EHMT1: variants seen among roughly 807,000 people sequenced by gnomAD.
The protein encoded by EHMT1 is histone-lysine N-methyltransferase EHMT1.
EHMT1 carries 15 observed loss-of-function variants against 147.2 expected under a neutral mutation model. The observed-to-expected ratio is 0.10, with a 90% CI of 0.07 to 0.16. The LOEUF (loss-of-function observed/expected upper bound fraction) is 0.16, where lower values mean the gene tolerates loss of function less well. Ranked by LOEUF, EHMT1 falls within the 10% of genes least tolerant of loss-of-function variation. The pLI, the probability that EHMT1 is intolerant of heterozygous loss-of-function variation, is 1.00. For missense variants in EHMT1, 1,587 were observed against 1,772.4 expected, an observed-to-expected ratio of 0.90 and a Z score of 1.88; for synonymous variants, 795 against 709.6, an observed-to-expected ratio of 1.12 and a Z score of -1.91.
At chr9:137,685,378 A>T (rs1185254867) in intron 1 of EHMT1, 4 of 152,168 alleles carry the variant, frequency 2.6e-5, no homozygotes, top group African/African-American at 9.7e-5. Context: ...TGTCTGGCTT[A>T]TGTCATGTAG....
chr9:137,767,892 G>A (rs1389744958), intron 10 of EHMT1, among the ~76,000 whole-genome samples: 2 of 152,064 alleles, frequency 1.3e-5, no homozygotes, highest in Non-Finnish European at 2.9e-5. Flanking sequence ...TTTGGATTTT[G>A]GAACATTTTG....
Position 137,641,967 on chromosome 9 carries a change from G to A in EHMT1, c.21+22918G>A, listed in dbSNP as rs1564531885. Reference sequence around the variant, plus strand: ...CTGTTCTCCTGCCTCAGCCTCCTGAGTAGCTGGGACTACAGGCACCCACCA... The same window carrying A: ...CTGTTCTCCTGCCTCAGCCTCCTGAATAGCTGGGACTACAGGCACCCACCA... On this transcript the variant is annotated intron_variant, in intron 1 of 26. Transcript: ENST00000460843. Among the ~76,000 whole-genome samples the A allele has an allele frequency of 3.3e-5, 5 of 152,144 alleles. No homozygotes were observed. The South Asian group carries it at 8.3e-4, about 25-fold the overall frequency.
intron 25 of EHMT1, 158 bp from the exon 26 acceptor site, chr9:137,834,191 T>C (rs967817716): frequency 1.0e-4 from 99 of 952,904 alleles, no homozygotes; most frequent in Non-Finnish European, 1.5e-4. Context: ...TGGCGGAGGC[T>C]CCGCACCGCC....
chr9:137,739,827 T>TG (rs1307205792), intron 4 of EHMT1, among the ~76,000 whole-genome samples: 1 of 152,198 alleles, frequency 6.6e-6, no homozygotes, highest in Non-Finnish European at 1.5e-5. Context: ...TGCCAAATAC[T>TG]GATCCTGAAT....
At chr9:137,707,116 C>T (rs371067332) in intron 1 of EHMT1, among the ~76,000 whole-genome samples, 5 of 152,232 alleles carry the variant, frequency 3.3e-5, no homozygotes, top group African/African-American at 9.6e-5. Flanking sequence ...TGAGCCAGCG[C>T]GCCTGGCCTA....
intron 4 of EHMT1, among the ~76,000 whole-genome samples, chr9:137,737,920 G>A (rs900153603): frequency 3.3e-5 from 5 of 152,320 alleles, no homozygotes; most frequent in African/African-American, 4.8e-5. Flanking sequence ...GAGGCCGGGT[G>A]CAGTGGCTTG....
At chr9:137,761,674 G>C (rs1949830143) in intron 9 of EHMT1, among the ~76,000 whole-genome samples, 1 of 151,998 alleles carries the variant, frequency 6.6e-6, no homozygotes, top group Non-Finnish European at 1.5e-5. Context: ...GTCCAGGAGG[G>C]TCTCGATCTC....
chr9:137,656,836 G>A (rs1292682139), intron 1 of EHMT1, among the ~76,000 whole-genome samples: 1 of 152,128 alleles, frequency 6.6e-6, no homozygotes, highest in Non-Finnish European at 1.5e-5. Context: ...TGTCTCCCAG[G>A]TTCAAGCGAT....
Position 137,776,424 on chromosome 9 carries a change from G to A in EHMT1, c.1792-194G>A. 1 of 561,896 alleles carries A rather than the reference G, an allele frequency of 1.8e-6. No individual in the cohort carries two copies. The highest frequency in any genetic ancestry group is 2.7e-5 in the Admixed American group (1 of 36,592). The allele number at this position is 561,896 out of a possible 1,614,324, so 34.8% of individuals were successfully genotyped here. A position where few individuals can be genotyped will look rare whatever the true frequency, so the allele number is the denominator to read the frequency against. On this transcript the variant is annotated intron_variant, in intron 11 of 26. Coordinates refer to ENST00000460843, the MANE Select transcript of EHMT1 (RefSeq NM_024757.5). This position sits in a 1 kb window ranked among gnomAD's most constrained non-coding sequence, Gnocchi z 4.4. The stretch of plus-strand genomic sequence containing the variant: ...GTCTGGCTTCAGCTTCTTCTCTGTG[G>A]GGCGAGAGCACCACGGGAAGCATCG...
At chr9:137,682,060 C>A (rs1456058210) in intron 1 of EHMT1, among the ~76,000 whole-genome samples, 1 of 152,052 alleles carries the variant, frequency 6.6e-6, no homozygotes, top group Non-Finnish European at 1.5e-5. Flanking sequence ...ACACCATTCT[C>A]CTGCCTCAGC....
At chr9:137,742,242 C>T (rs1287311924) in intron 4 of EHMT1, among the ~76,000 whole-genome samples, 4 of 151,998 alleles carry the variant, frequency 2.6e-5, no homozygotes, top group African/African-American at 9.7e-5. Flanking sequence ...GGTTCTCACT[C>T]GTTCACGTCC....
At chr9:137,678,192 A>G (rs557152097) in intron 1 of EHMT1, among the ~76,000 whole-genome samples, 65 of 152,328 alleles carry the variant, frequency 4.3e-4, no homozygotes, top group African/African-American at 1.5e-3. Context: ...TAAGATGTTT[A>G]CTGTTGGTGG....
chr9:137,801,744 C>T lies in EHMT1; in HGVS notation c.2712+760C>T, dbSNP rs148942078. Among the ~76,000 whole-genome samples the T allele has an allele frequency of 2.0e-4, 31 of 152,046 alleles. No individual in the cohort carries two copies. The East Asian group carries it at 4.5e-3, about 22-fold the overall frequency. Reference sequence around the variant, plus strand: ...GAACCCCGACCTCAGGTGATCTGCCCGCCTCAGCCTTCCATAGAGCTGGGA... The same window carrying T: ...GAACCCCGACCTCAGGTGATCTGCCTGCCTCAGCCTTCCATAGAGCTGGGA... On this transcript the variant is annotated intron_variant, in intron 18 of 26. Transcript: ENST00000460843.
intron 10 of EHMT1, among the ~76,000 whole-genome samples, chr9:137,773,743 G>T (rs1428825509): frequency 1.3e-5 from 2 of 152,230 alleles, no homozygotes; most frequent in Non-Finnish European, 2.9e-5. Context: ...TACCAGCTTT[G>T]CAGTGTGCCA....
intron 18 of EHMT1, among the ~76,000 whole-genome samples, chr9:137,808,542 G>A (rs994008208): frequency 2.0e-5 from 3 of 152,070 alleles, no homozygotes; most frequent in African/African-American, 7.2e-5. Flanking sequence ...TCAGGAGTGC[G>A]GTTGCTCACC....
chr9:137,694,154 A>C (rs1588207150), intron 1 of EHMT1, among the ~76,000 whole-genome samples: 5 of 88,844 alleles, frequency 5.6e-5, no homozygotes, highest in African/African-American at 1.4e-4. Flanking sequence ...CGATACCCCC[A>C]CACAGGGGCG....
chr9:137,798,283 TC>T (rs926601272), intron 16 of EHMT1, among the ~76,000 whole-genome samples: 1 of 152,032 alleles, frequency 6.6e-6, no homozygotes, highest in Admixed American at 6.5e-5. Flanking sequence ...ACACCTGTAG[TC>T]CCAGCTACGT....
At chr9:137,654,075 T>C (rs1487473885) in intron 1 of EHMT1, among the ~76,000 whole-genome samples, 1 of 152,190 alleles carries the variant, frequency 6.6e-6, no homozygotes, top group Non-Finnish European at 1.5e-5. Flanking sequence ...TCTTCATGGC[T>C]TCATTGAAAA....
chr9:137,818,250 G>A (rs1308194884), intron 25 of EHMT1, 112 bp downstream of exon 25: 8 of 1,244,400 alleles, frequency 6.4e-6, no homozygotes, highest in Non-Finnish European at 9.4e-6. Flanking sequence ...GTTGACAAGA[G>A]TGGGCTTGCT....
Sources: gnomAD v4.1 joint callset for allele counts (sites outside exome capture counted in the v4.1 genomes callset) on GRCh38, gnomAD v4.1.1 for gene constraint, Gnocchi (gnomAD v3.1) non-coding constraint, MANE v1.5 for transcripts, NCBI Gene and HGNC (gene_info 2026-07-23, HGNC 2026-07-21) for gene names.